Variants in CDKAL1 observed in about 807,000 individuals in gnomAD.
CDKAL1 encodes CDKAL1 threonylcarbamoyladenosine tRNA methylthiotransferase, also known as threonylcarbamoyladenosine tRNA methylthiotransferase.
CDKAL1 carries 32 observed loss-of-function variants against 68.2 expected under a neutral mutation model. The observed-to-expected ratio is 0.47, with a 90% CI of 0.35 to 0.63. The LOEUF is 0.63. CDKAL1 is among the 30% of genes least tolerant of loss of function. The probability of loss-of-function intolerance (pLI) is 0.00; values close to 1 mark genes in which losing one functional copy is unlikely to be tolerated. For missense variants in CDKAL1, 606 were observed against 696.7 expected, an observed-to-expected ratio of 0.87 and a Z score of 1.47; for synonymous variants, 234 against 244.3, an observed-to-expected ratio of 0.96 and a Z score of 0.39.
At chr6:20,743,700 A>C (rs1311316379) in intron 6 of CDKAL1, among the ~76,000 whole-genome samples, 1 of 152,140 alleles carries the variant, frequency 6.6e-6, no homozygotes, top group Non-Finnish European at 1.5e-5. Context: ...GTGATGGTGC[A>C]TGGAAAGAAA....
At chr6:20,782,690 C>T (rs1775482239) in intron 8 of CDKAL1, among the ~76,000 whole-genome samples, 1 of 152,128 alleles carries the variant, frequency 6.6e-6, no homozygotes, top group African/African-American at 2.4e-5. Context: ...CATATATGCT[C>T]CATGGGGGCA....
At chr6:20,592,222 G>A (rs1281256281) in intron 4 of CDKAL1, among the ~76,000 whole-genome samples, 2 of 152,140 alleles carry the variant, frequency 1.3e-5, no homozygotes, top group African/African-American at 2.4e-5. Context: ...CATTGATTTT[G>A]TATCCTGAGA....
At chr6:20,767,084 A>G (rs1774735438) in intron 7 of CDKAL1, among the ~76,000 whole-genome samples, 1 of 152,128 alleles carries the variant, frequency 6.6e-6, no homozygotes, top group East Asian at 1.9e-4. Flanking sequence ...CAGTTGCTAC[A>G]CTGCTTTTAT....
At chr6:21,228,421 TCA>T (rs1779832466) in intron 15 of CDKAL1, among the ~76,000 whole-genome samples, 1 of 152,192 alleles carries the variant, frequency 6.6e-6, no homozygotes, top group South Asian at 2.1e-4. Context: ...GAGAAATTAA[TCA>T]ACCTCTTAAT....
intron 13 of CDKAL1, among the ~76,000 whole-genome samples, chr6:21,109,692 G>A (rs1774025650): frequency 6.6e-6 from 1 of 152,218 alleles, no homozygotes; most frequent in Admixed American, 6.5e-5. Context: ...GAAGGAGCAG[G>A]CTGATAAGTA....
At chr6:20,947,900 G>T (rs766712947) in intron 9 of CDKAL1, among the ~76,000 whole-genome samples, 2 of 151,802 alleles carry the variant, frequency 1.3e-5, no homozygotes, top group African/African-American at 4.8e-5. Flanking sequence ...CCTAAGTTGA[G>T]CCATTGTAAG....
chr6:21,167,891 C>T (rs1441531658), intron 13 of CDKAL1, among the ~76,000 whole-genome samples: 1 of 152,128 alleles, frequency 6.6e-6, no homozygotes, highest in Non-Finnish European at 1.5e-5. Flanking sequence ...CATCTCATTC[C>T]GCAGATGTCT....
intron 2 of CDKAL1, among the ~76,000 whole-genome samples, chr6:20,545,362 G>C (rs111364203): frequency 0.055 from 8,404 of 152,072 alleles, 289 homozygotes; most frequent in Middle Eastern, 0.13. Context: ...TAGAAAAGTC[G>C]TATAGGATAA....
At chr6:20,596,407 C>T (rs763900731) in intron 4 of CDKAL1, among the ~76,000 whole-genome samples, 25 of 152,208 alleles carry the variant, frequency 1.6e-4, no homozygotes, top group African/African-American at 3.4e-4. Flanking sequence ...GCGGCTTTGC[C>T]GAGCTGTGGT....
At chr6:21,029,675 GCAGA>G (rs1408051214) in intron 11 of CDKAL1, among the ~76,000 whole-genome samples, 4 of 152,058 alleles carry the variant, frequency 2.6e-5, no homozygotes, top group Non-Finnish European at 5.9e-5. Context: ...AAGGATATGA[GCAGA>G]CACTTCTCAA....
intron 4 of CDKAL1, among the ~76,000 whole-genome samples, chr6:20,577,935 A>T (rs894132391): frequency 6.6e-6 from 1 of 152,192 alleles, no homozygotes; most frequent in Admixed American, 6.5e-5. Flanking sequence ...ACTCAGAGAG[A>T]CAATAGGAGA....
intron 9 of CDKAL1, among the ~76,000 whole-genome samples, chr6:20,913,607 G>A (rs760176702): frequency 5.3e-5 from 8 of 152,198 alleles, no homozygotes; most frequent in Non-Finnish European, 1.0e-4. Context: ...GGCAGGAGCA[G>A]TGTGACTCCA....
chr6:21,108,379 T>C, intron 12 of CDKAL1, 22 bp from the exon 13 acceptor site: 1 of 1,571,796 alleles, frequency 6.4e-7, no homozygotes, highest in Non-Finnish European at 8.7e-7. Context: ...TGGTTTTTTG[T>C]TTTTTTTGTT....
intron 8 of CDKAL1, among the ~76,000 whole-genome samples, chr6:20,784,364 A>C (rs1385939498): frequency 6.9e-6 from 1 of 145,138 alleles, no homozygotes; most frequent in African/African-American, 2.5e-5. Context: ...GCTTCTTTTA[A>C]TTATTGCATT....
intron 10 of CDKAL1, among the ~76,000 whole-genome samples, chr6:20,965,792 A>G (rs1038769612): frequency 2.0e-5 from 3 of 152,234 alleles, no homozygotes; most frequent in African/African-American, 7.2e-5. Flanking sequence ...TTCAAACTCC[A>G]TAATACACCA....
intron 5 of CDKAL1, among the ~76,000 whole-genome samples, chr6:20,699,198 C>T (rs765086647): frequency 1.3e-5 from 2 of 151,856 alleles, no homozygotes; most frequent in Non-Finnish European, 1.5e-5. Context: ...TAATAAATGG[C>T]GAGGTGGTTT....
intron 12 of CDKAL1, among the ~76,000 whole-genome samples, chr6:21,075,149 C>A (rs1280272359): frequency 8.0e-6 from 1 of 124,612 alleles, no homozygotes; most frequent in Non-Finnish European, 1.8e-5. Context: ...CAAATAATAT[C>A]TTTTTGTTTT....
At chr6:20,558,529 C>G (rs1764148954) in intron 4 of CDKAL1, 3 of 456,444 alleles carry the variant, frequency 6.6e-6, no homozygotes, top group Non-Finnish European at 8.8e-6. Context: ...TTTGACCAGA[C>G]CTTGTGTTAT....
chr6:21,161,880 TA>T (rs1233076953), intron 13 of CDKAL1, among the ~76,000 whole-genome samples: 1 of 152,232 alleles, frequency 6.6e-6, no homozygotes, highest in African/African-American at 2.4e-5. Context: ...AAGCTGCATT[TA>T]GAAAGAAGTT....
Sources: gnomAD v4.1 joint callset for allele counts (sites outside exome capture counted in the v4.1 genomes callset) on GRCh38, gnomAD v4.1.1 for gene constraint, MANE v1.5 for transcripts, NCBI Gene and HGNC (gene_info 2026-07-23, HGNC 2026-07-21) for gene names.